PIGQ: variants seen among roughly 807,000 people sequenced by gnomAD.
PIGQ encodes the protein phosphatidylinositol glycan anchor biosynthesis class Q.
Under a neutral mutation model 60.3 loss-of-function variants are expected in PIGQ, and 54 were observed. The ratio of observed to expected loss-of-function variants is 0.90; its 90% CI spans 0.72 to 1.12. The LOEUF (loss-of-function observed/expected upper bound fraction) is 1.12, where lower values mean the gene tolerates loss of function less well. PIGQ is among the 50% of genes most tolerant of loss of function. The pLI, the probability that PIGQ is intolerant of heterozygous loss-of-function variation, is 0.00. For missense variants in PIGQ, 799 were observed against 793.5 expected (o/e 1.01, Z -0.08); for synonymous variants, 416 against 363.7 (o/e 1.14, Z -1.64).
At chr16:581,283 CA>C in intron 9 of PIGQ, 1 of 1,338,720 alleles carries the variant, frequency 7.5e-7, no homozygotes, top group South Asian at 1.3e-5. Flanking sequence ...AACTGCAGGC[CA>C]GGGGCCAAGC....
rs1209670877 is a variant in PIGQ, at chr16:583,519, C to T, written c.*484C>T. 3 of 1,612,554 alleles carry T rather than the reference C, an allele frequency of 1.9e-6. No individual in the cohort carries two copies. The highest frequency in any genetic ancestry group is 2.2e-5 in the East Asian group (1 of 44,884). On this transcript the variant is annotated 3_prime_UTR_variant, in exon 11 of 11. Coordinates refer to ENST00000321878, the MANE Select transcript of PIGQ (RefSeq NM_004204.5). ...CTAGCTCCCTCAGCCGAACAGCACC[C>T]TGCATCTGGGGGATTGAAGCAGTCG...
At chr16:580,140 G>C in intron 7 of PIGQ, 43 bp from the exon 8 acceptor site, 3 of 1,519,334 alleles carry the variant, frequency 2.0e-6, no homozygotes, top group Non-Finnish European at 2.7e-6. Context: ...GTCCCTGGGC[G>C]CGGGGTCCTG....
Position 580,177 on chromosome 16 carries a change from C to T in PIGQ, c.1336-6C>T, listed in dbSNP as rs1429840817. 6.2e-7 allele frequency: 1 copy of T among 1,609,536 alleles called. No individual in the cohort carries two copies. Among genetic ancestry groups the T allele is most frequent in the Admixed American group, 1.7e-5 (1 of 59,858 alleles). On this transcript the variant is annotated splice_region_variant and splice_polypyrimidine_tract_variant and intron_variant, in intron 7 of 10. Coordinates refer to ENST00000321878, the MANE Select transcript of PIGQ (RefSeq NM_004204.5). Reference sequence around the variant, plus strand: ...TGATGCCCGGTGTGCTGGCCCCTCCCTACAGCTGTTCATCGGGACTCTGCT... The same window carrying T: ...TGATGCCCGGTGTGCTGGCCCCTCCTTACAGCTGTTCATCGGGACTCTGCT...
chr16:582,109 G>T, intron 9 of PIGQ, 139 bp from the exon 10 acceptor site: 1 of 715,724 alleles, frequency 1.4e-6, no homozygotes, highest in Non-Finnish European at 2.5e-6. Flanking sequence ...GGGCGACGGA[G>T]GGGGCGGGGA....
At chr16:572,013 G>A (rs1260187891) in intron 1 of PIGQ, among the ~76,000 whole-genome samples, 4 of 152,150 alleles carry the variant, frequency 2.6e-5, no homozygotes, top group Non-Finnish European at 5.9e-5. Flanking sequence ...CGCAGAACCA[G>A]CTCCCCCTAG....
intron 8 of PIGQ, chr16:580,514 G>T (rs2035794136): frequency 1.8e-6 from 1 of 549,128 alleles, no homozygotes; most frequent in Admixed American, 3.1e-5. Context: ...CGGCAGGTGG[G>T]GTCACGCAAG....
At chr16:576,005 G>T in intron 3 of PIGQ, 35 bp downstream of exon 3, 1 of 1,563,470 alleles carries the variant, frequency 6.4e-7, no homozygotes, top group Non-Finnish European at 8.7e-7. Flanking sequence ...AGGGCTGGGT[G>T]CGTGCCCTCT....
Position 576,204 on chromosome 16 carries a change from G to A in PIGQ, c.892G>A (p.Gly298Arg), listed in dbSNP as rs750484214. The A allele has an allele frequency of 5.9e-5, 91 of 1,550,322 alleles. No individual in the cohort carries two copies. The East Asian group carries it at 1.6e-3, about 28-fold the overall frequency. Residue 298 changes from glycine to arginine, a missense_variant, in exon 4 of 11, where the codon GGG becomes AGG. By Grantham distance (125) the Gly-to-Arg change is moderately radical. Coordinates refer to ENST00000321878, the MANE Select transcript of PIGQ (RefSeq NM_004204.5). The stretch of plus-strand genomic sequence containing the variant: ...CCTCATGCTGCTGTCCTGGCTCCAC[G>A]GGAGAAGCCGCATCGGGCATCTGGC... Reference protein sequence around the residue: ...LGLMLLSWLHGRSRIGHLADA... With the variant: ...LGLMLLSWLHRRSRIGHLADA...
intron 5 of PIGQ, 66 bp from the exon 6 acceptor site, chr16:578,719 T>A (rs546536904): frequency 1.2e-5 from 18 of 1,561,058 alleles, no homozygotes; most frequent in Non-Finnish European, 1.6e-5. Context: ...CCTGTGTGTG[T>A]GAGGGTTGTG....
intron 1 of PIGQ, among the ~76,000 whole-genome samples, chr16:571,717 C>T (rs919535691): frequency 2.0e-5 from 3 of 151,914 alleles, no homozygotes; most frequent in African/African-American, 7.3e-5. Context: ...TTTCATCTTC[C>T]TCTGGCTGTG....
chr16:580,248 C>T lies in PIGQ; in HGVS notation c.1401C>T (p.Tyr467=), dbSNP rs1345031521. 1 of 1,611,704 alleles carries T rather than the reference C, an allele frequency of 6.2e-7. No homozygotes were observed. Among genetic ancestry groups the T allele is most frequent in the Non-Finnish European group, 8.5e-7 (1 of 1,178,626 alleles). Residue 467 remains tyrosine, a synonymous_variant, in exon 8 of 11, where the codon TAC becomes TAT. Coordinates refer to ENST00000321878, the MANE Select transcript of PIGQ (RefSeq NM_004204.5). ...LFLLPTTALY[Y]LVFTLLRLLV... ...TCCTGCCTACCACAGCCCTGTACTA[C>T]CTGGTGTTCACCCTGGTGAGCTGAG...
intron 7 of PIGQ, 44 bp from the exon 8 acceptor site, chr16:580,139 C>G: frequency 6.6e-7 from 1 of 1,509,896 alleles, no homozygotes; most frequent in Non-Finnish European, 9.1e-7. Flanking sequence ...CGTCCCTGGG[C>G]GCGGGGTCCT....
rs770464997 is a variant in PIGQ, at chr16:583,059, C to T, written c.*24C>T. On this transcript the variant is annotated 3_prime_UTR_variant, in exon 11 of 11. Transcript: ENST00000321878. ...GAGGGAACTGCTGGCTCGCCTGGCACCACCACACGGCCACAGCCAGCCATC... is the reference window on the plus strand; with the variant it reads ...GAGGGAACTGCTGGCTCGCCTGGCATCACCACACGGCCACAGCCAGCCATC... 7 of 1,612,894 alleles carry T rather than the reference C, an allele frequency of 4.3e-6. No homozygotes were observed. The South Asian group carries it at 7.7e-5, about 18-fold the overall frequency.
Position 570,116 on chromosome 16 carries a change from GGC to G in PIGQ, c.-10+26_-10+27del, listed in dbSNP as rs1252674136. 1 of 150,912 alleles carries G rather than the reference GGC, an allele frequency of 6.6e-6. No homozygotes were observed. The highest frequency in any genetic ancestry group is 1.5e-5 in the Non-Finnish European group (1 of 67,654). 9.3% of individuals were successfully genotyped at this position (150,912 alleles called of 1,614,324 possible). A position where few individuals can be genotyped will look rare whatever the true frequency, so the allele number is the denominator to read the frequency against. ...CACCCGGTGAGCAGGGGGGGTGGGC[GGC>G]GCGCGGCGGGACCTCGGGCAGCGCC... On this transcript the variant is annotated intron_variant, in intron 1 of 10. Transcript: ENST00000321878.
chr16:583,953 G>A lies in PIGQ; in HGVS notation c.*918G>A, dbSNP rs1180832435. 14 of 433,866 alleles carry A rather than the reference G, an allele frequency of 3.2e-5. No individual in the cohort carries two copies. The highest frequency in any genetic ancestry group is 4.8e-5 in the Non-Finnish European group (11 of 230,162). The allele number at this position is 433,866 out of a possible 1,614,324, so 26.9% of individuals were successfully genotyped here. On this transcript the variant is annotated 3_prime_UTR_variant, in exon 11 of 11. Transcript: ENST00000321878. ...TGAGCCCGAGTCCGCTTCAGGAGGGGAGCCTGCAGGTGCCGGCTGGTGAGG... is the reference window on the plus strand; with the variant it reads ...TGAGCCCGAGTCCGCTTCAGGAGGGAAGCCTGCAGGTGCCGGCTGGTGAGG...
rs746142376 is a variant in PIGQ, at chr16:578,771, C to T, written c.1070-14C>T. 59 of 1,611,362 alleles carry T rather than the reference C, an allele frequency of 3.7e-5. No homozygotes were observed. The highest frequency in any genetic ancestry group is 4.8e-5 in the Non-Finnish European group (56 of 1,178,398). ...GGTCTGAGCGCCTCCTGAGGGCCTA[C>T]CCCACCCTGCCAGGCTACATCCACC... On this transcript the variant is annotated splice_polypyrimidine_tract_variant and intron_variant, in intron 5 of 10. Transcript: ENST00000321878.
chr16:583,683 G>C lies in PIGQ; in HGVS notation c.*648G>C. 3 of 1,601,608 alleles carry C rather than the reference G, an allele frequency of 1.9e-6. No homozygotes were observed. The highest frequency in any genetic ancestry group is 2.6e-6 in the Non-Finnish European group (3 of 1,173,104). On this transcript the variant is annotated 3_prime_UTR_variant, in exon 11 of 11. Coordinates refer to ENST00000321878, the MANE Select transcript of PIGQ (RefSeq NM_004204.5). Reference sequence around the variant, plus strand: ...CATCGCCAGGCTGCTGTGGGGGCGGGAGCAGCCTCAGTGTCAAGGGCCCGC... The same window carrying C: ...CATCGCCAGGCTGCTGTGGGGGCGGCAGCAGCCTCAGTGTCAAGGGCCCGC...
chr16:583,726 C>T lies in PIGQ; in HGVS notation c.*691C>T. The stretch of plus-strand genomic sequence containing the variant: ...GGGCCCGCCCACTGACCCAGCCGTA[C>T]CTATTCGTCCACGGTGCCCCGTAGC... On this transcript the variant is annotated 3_prime_UTR_variant, in exon 11 of 11. Transcript: ENST00000321878. The T allele has an allele frequency of 1.4e-6, 2 of 1,431,464 alleles. No individual in the cohort carries two copies. Among genetic ancestry groups the T allele is most frequent in the Non-Finnish European group, 9.8e-7 (1 of 1,025,424 alleles). 88.7% of individuals were successfully genotyped at this position (1,431,464 alleles called of 1,614,324 possible).
At chr16:574,877 C>G (rs925935468) in intron 2 of PIGQ, 114 bp downstream of exon 2, 2 of 812,222 alleles carry the variant, frequency 2.5e-6, no homozygotes, top group Non-Finnish European at 3.8e-6. Context: ...GGCCCGGGCC[C>G]CCTCCCACTC....
Sources: gnomAD v4.1 joint callset for allele counts (sites outside exome capture counted in the v4.1 genomes callset) on GRCh38, gnomAD v4.1.1 for gene constraint, MANE v1.5 for transcripts, NCBI Gene and HGNC (gene_info 2026-07-23, HGNC 2026-07-21) for gene names.